CACNB2: variants seen among roughly 807,000 people sequenced by gnomAD.
CACNB2 encodes calcium voltage-gated channel auxiliary subunit beta 2, also known as voltage-dependent L-type calcium channel subunit beta-2.
Under a neutral mutation model 73.3 loss-of-function variants are expected in CACNB2, and 42 were observed. The ratio of observed to expected loss-of-function variants is 0.57; its 90% CI spans 0.45 to 0.74. The LOEUF is 0.74. Among genes scored for constraint, CACNB2 ranks in the 30% least tolerant of loss-of-function variants. CACNB2 has a pLI of 0.00. For synonymous variants in CACNB2, 348 were observed against 310.3 expected (o/e 1.12, Z -1.28); for missense variants, 940 against 853.0 (o/e 1.10, Z -1.27).
intron 2 of CACNB2, among the ~76,000 whole-genome samples, chr10:18,242,495 A>T (rs1017963929): frequency 3.9e-5 from 6 of 152,222 alleles, no homozygotes; most frequent in African/African-American, 1.4e-4. Context: ...GTTATTTTAA[A>T]ATAGTAAACT....
intron 2 of CACNB2, among the ~76,000 whole-genome samples, chr10:18,330,480 T>C (rs2040756420): frequency 6.6e-6 from 1 of 152,158 alleles, no homozygotes; most frequent in Admixed American, 6.5e-5. Flanking sequence ...AGACTCTGTC[T>C]CTACAAAACA....
rs59858946 is a variant in CACNB2 at position 18,495,545 on chromosome 10, CTGTGTGTGTG to C, written c.334-2772_334-2763del. On this transcript the variant is annotated intron_variant, in intron 3 of 13. Transcript: ENST00000324631. ...AAATATATTTTTAAAAGTATAAAAA[CTGTGTGTGTG>C]TGTGTGTGTGTGTGTGTGTGTGTGT... is the stretch of plus-strand genomic sequence containing the variant. Among the ~76,000 whole-genome samples, 515 of 124,696 alleles carry C rather than the reference CTGTGTGTGTG, an allele frequency of 4.1e-3. 3 individuals carry two copies. The highest frequency in any genetic ancestry group is 0.012 in the Middle Eastern group (3 of 256). 81.8% of individuals were successfully genotyped at this position (124,696 alleles called of 152,430 possible).
intron 2 of CACNB2, among the ~76,000 whole-genome samples, chr10:18,265,002 T>TC (rs887217365): frequency 2.6e-5 from 4 of 152,012 alleles, no homozygotes; most frequent in African/African-American, 9.7e-5. Context: ...CCTGTGTGCC[T>TC]CCCCCCTACA....
At chr10:18,272,008 C>T (rs2038073945) in intron 2 of CACNB2, among the ~76,000 whole-genome samples, 1 of 151,996 alleles carries the variant, frequency 6.6e-6, no homozygotes, top group African/African-American at 2.4e-5. Context: ...CATCTCTTAC[C>T]ATTTTTTTCT....
intron 12 of CACNB2, among the ~76,000 whole-genome samples, chr10:18,536,426 CT>C (rs904440674): frequency 3.4e-4 from 51 of 148,142 alleles, no homozygotes; most frequent in Non-Finnish European, 4.3e-4. Flanking sequence ...GATCGGCTAA[CT>C]TTTTTTTTTC....
chr10:18,196,026 G>A (rs1168871988), intron 2 of CACNB2, among the ~76,000 whole-genome samples: 1 of 152,126 alleles, frequency 6.6e-6, no homozygotes, highest in East Asian at 1.9e-4. Context: ...GGCCAGCACT[G>A]AGCACTTACT....
At chr10:18,186,105 A>G (rs1037626913) in intron 2 of CACNB2, among the ~76,000 whole-genome samples, 1 of 152,170 alleles carries the variant, frequency 6.6e-6, no homozygotes, top group Non-Finnish European at 1.5e-5. Context: ...TCTTTATTAG[A>G]CCATTCTCAC....
intron 2 of CACNB2, among the ~76,000 whole-genome samples, chr10:18,386,426 G>A (rs1240155801): frequency 1.4e-4 from 15 of 107,352 alleles, no homozygotes; most frequent in South Asian, 6.1e-4. Context: ...TTTTTGAGAC[G>A]GAGTCTCACT....
chr10:18,343,604 G>A (rs2041322169), intron 2 of CACNB2, among the ~76,000 whole-genome samples: 1 of 152,226 alleles, frequency 6.6e-6, no homozygotes, highest in Non-Finnish European at 1.5e-5. Context: ...CAGGGAAGGT[G>A]TATGCCTTCC....
At chr10:18,338,649 TTCTCTC>T (rs202241107) in intron 2 of CACNB2, among the ~76,000 whole-genome samples, 1 of 122,804 alleles carries the variant, frequency 8.1e-6, no homozygotes, top group African/African-American at 3.6e-5. Flanking sequence ...CCTTCTTTCT[TTCTCTC>T]TCTTTTTCTT....
rs141709818 is a variant in CACNB2 at position 18,255,803 on chromosome 10, G to A, written c.213+104828G>A. ...AGACGGACCCTTCTTTCCTAAAATC[G>A]CAGCCACAGAAAAGCCAGAAGCACT... On this transcript the variant is annotated intron_variant, in intron 2 of 13. Transcript: ENST00000324631. Among the ~76,000 whole-genome samples the A allele has an allele frequency of 1.8e-3, 271 of 152,214 alleles. 1 individual carries two copies. Among genetic ancestry groups the A allele is most frequent in the African/African-American group, 5.9e-3 (246 of 41,532 alleles).
intron 2 of CACNB2, among the ~76,000 whole-genome samples, chr10:18,361,828 G>A (rs1185964805): frequency 1.3e-5 from 2 of 151,936 alleles, no homozygotes; most frequent in African/African-American, 4.8e-5. Flanking sequence ...GGCCAGGCTG[G>A]TCTTGAACTC....
At chr10:18,435,726 C>T (rs1165676880) in intron 3 of CACNB2, among the ~76,000 whole-genome samples, 1 of 152,068 alleles carries the variant, frequency 6.6e-6, no homozygotes, top group African/African-American at 2.4e-5. Context: ...TCTCAAACTC[C>T]CAGGCTCAAG....
intron 3 of CACNB2, 122 bp downstream of exon 3, chr10:18,402,165 G>T: frequency 1.7e-6 from 2 of 1,143,710 alleles, no homozygotes; most frequent in Non-Finnish European, 2.6e-6. Flanking sequence ...TCTGGTTTTA[G>T]AAAGGTACAA....
intron 2 of CACNB2, among the ~76,000 whole-genome samples, chr10:18,295,765 AAG>A (rs2039251466): frequency 6.6e-6 from 1 of 152,230 alleles, no homozygotes. Flanking sequence ...CAAATACATT[AAG>A]TATGTGCATG....
intron 4 of CACNB2, among the ~76,000 whole-genome samples, chr10:18,499,898 A>G (rs1257329813): frequency 2.0e-5 from 3 of 151,938 alleles, no homozygotes; most frequent in Non-Finnish European, 4.4e-5. Flanking sequence ...TTGAGCCTGG[A>G]AATTCAAGAC....
chr10:18,186,447 T>G (rs1030457826), intron 2 of CACNB2, among the ~76,000 whole-genome samples: 2 of 151,132 alleles, frequency 1.3e-5, no homozygotes, highest in African/African-American at 4.9e-5. Context: ...AAGAAATACC[T>G]GAGACTGGGT....
chr10:18,504,263 G>T (rs113799876), intron 5 of CACNB2, among the ~76,000 whole-genome samples: 1,633 of 152,272 alleles, frequency 0.011, 39 homozygotes, highest in African/African-American at 0.037. Flanking sequence ...GATCGAGGTC[G>T]CAGAGCTAGT....
At chr10:18,321,970 T>C (rs1477014158) in intron 2 of CACNB2, among the ~76,000 whole-genome samples, 1 of 151,990 alleles carries the variant, frequency 6.6e-6, no homozygotes, top group Non-Finnish European at 1.5e-5. Flanking sequence ...CTGAACAACA[T>C]AGCAAGACTC....
Sources: allele counts gnomAD v4.1 joint callset (sites outside exome capture counted in the v4.1 genomes callset), GRCh38; gene constraint gnomAD v4.1.1; transcripts MANE v1.5; gene names NCBI Gene and HGNC (gene_info 2026-07-23, HGNC 2026-07-21).